The following SGCZ variants were observed in gnomAD, a reference collection of about 807,000 sequenced individuals.
The protein encoded by SGCZ is sarcoglycan zeta.
In SGCZ, 40 loss-of-function variants were observed where a neutral mutation model predicts 41.3. The ratio of observed to expected loss-of-function variants is 0.97; its 90% confidence interval spans 0.75 to 1.26. The LOEUF (loss-of-function observed/expected upper bound fraction) is 1.26. SGCZ is among the 50% of genes most tolerant of loss of function. The pLI is 0.00. For synonymous variants in SGCZ, 206 were observed against 137.5 expected (o/e 1.50, Z -3.49); for missense variants, 552 against 369.8 (o/e 1.49, Z -4.04).
intron 1 of SGCZ, among the ~76,000 whole-genome samples, chr8:14,598,644 G>C (rs369019380): frequency 4.0e-4 from 61 of 151,812 alleles, no homozygotes; most frequent in African/African-American, 1.3e-3. Context: ...TTTCCCACTT[G>C]AGTCTCCCAA....
chr8:14,615,653 C>T (rs1485536645), intron 1 of SGCZ, among the ~76,000 whole-genome samples: 2 of 152,126 alleles, frequency 1.3e-5, no homozygotes, highest in African/African-American at 2.4e-5. Context: ...CTACCTGGGT[C>T]TTTGTCAGAC....
intron 1 of SGCZ, among the ~76,000 whole-genome samples, chr8:15,138,679 T>C (rs1056267153): frequency 2.6e-5 from 4 of 152,212 alleles, no homozygotes; most frequent in African/African-American, 9.6e-5. Context: ...GCCACCATGA[T>C]TGTAAGTTTC....
chr8:14,355,857 T>C (rs1017698476), intron 2 of SGCZ, among the ~76,000 whole-genome samples: 2 of 152,154 alleles, frequency 1.3e-5, no homozygotes, highest in Admixed American at 1.3e-4. Context: ...CTTCTATATT[T>C]TGACATCTAA....
At chr8:14,897,694 C>T (rs1033353258) in intron 1 of SGCZ, among the ~76,000 whole-genome samples, 3 of 152,206 alleles carry the variant, frequency 2.0e-5, no homozygotes, top group African/African-American at 7.2e-5. Flanking sequence ...TGATACTAAA[C>T]TCTTTACGTT....
intron 2 of SGCZ, among the ~76,000 whole-genome samples, chr8:14,344,800 T>C (rs1045568116): frequency 2.6e-5 from 4 of 152,054 alleles, no homozygotes; most frequent in African/African-American, 9.7e-5. Flanking sequence ...ACCACGATGA[T>C]ATAGCAACAT....
In SGCZ at chr8:15,102,811, A is replaced by C. The variant is rs542173223; in HGVS notation, c.39+134774T>G. Among the ~76,000 whole-genome samples, 10 of 152,272 alleles carry C rather than the reference A, an allele frequency of 6.6e-5. 1 individual carries two copies. Among genetic ancestry groups the C allele is most frequent in the African/African-American group, 2.4e-4 (10 of 41,578 alleles). ...TTATATAGAATCTCTACTTTTTCTC[A>C]AGTCTTACATTTCTAATGAATCTTA... is the stretch of plus-strand genomic sequence containing the variant. On this transcript the variant is annotated intron_variant, in intron 1 of 7. Transcript: ENST00000382080.
chr8:14,746,235 A>C (rs2119739), intron 1 of SGCZ, among the ~76,000 whole-genome samples: 49,761 of 151,978 alleles, frequency 0.33, 8,702 homozygotes, highest in Non-Finnish European at 0.4. Flanking sequence ...ATTTTTAAAA[A>C]ACCTGCTTTT....
intron 2 of SGCZ, among the ~76,000 whole-genome samples, chr8:14,449,207 A>G (rs994346908): frequency 6.6e-6 from 1 of 152,194 alleles, no homozygotes; most frequent in Non-Finnish European, 1.5e-5. Flanking sequence ...ACCACAACTT[A>G]GGCAAATTTC....
chr8:15,085,691 T>C (rs1264090152), intron 1 of SGCZ, among the ~76,000 whole-genome samples: 2 of 152,206 alleles, frequency 1.3e-5, no homozygotes, highest in Admixed American at 6.6e-5. Flanking sequence ...TGATTTCTCC[T>C]GGATATTCTA....
At chr8:14,497,915 T>G (rs545045953) in intron 2 of SGCZ, among the ~76,000 whole-genome samples, 1 of 152,326 alleles carries the variant, frequency 6.6e-6, no homozygotes, top group Non-Finnish European at 1.5e-5. Flanking sequence ...CCAAAATGTT[T>G]ACAACCATTT....
chr8:14,478,123 G>A (rs923159584), intron 2 of SGCZ, among the ~76,000 whole-genome samples: 10 of 152,242 alleles, frequency 6.6e-5, no homozygotes, highest in Admixed American at 2.0e-4. Flanking sequence ...CACTTTGGAA[G>A]ACAGTTTGGC....
chr8:14,213,456 A>G (rs1057224257), intron 4 of SGCZ, among the ~76,000 whole-genome samples: 1 of 152,148 alleles, frequency 6.6e-6, no homozygotes, highest in African/African-American at 2.4e-5. Flanking sequence ...TGGTAAAACT[A>G]TCCTTCAGGA....
intron 1 of SGCZ, among the ~76,000 whole-genome samples, chr8:14,575,833 G>A (rs370335069): frequency 6.6e-6 from 1 of 150,416 alleles, no homozygotes; most frequent in East Asian, 2.0e-4. Context: ...TTGAACCCAG[G>A]AGGCGGAGGT....
chr8:14,467,622 C>G (rs1801089547), intron 2 of SGCZ, among the ~76,000 whole-genome samples: 1 of 152,002 alleles, frequency 6.6e-6, no homozygotes, highest in African/African-American at 2.4e-5. Context: ...CCAGAAATTG[C>G]AAGTCTTTAA....
chr8:14,372,239 C>T (rs967807748), intron 2 of SGCZ, among the ~76,000 whole-genome samples: 6 of 152,142 alleles, frequency 3.9e-5, no homozygotes, highest in Admixed American at 2.6e-4. Context: ...ACTAAATTTG[C>T]GAAACAGAAG....
intron 1 of SGCZ, among the ~76,000 whole-genome samples, chr8:14,693,851 C>A (rs1404287416): frequency 1.3e-5 from 2 of 152,068 alleles, no homozygotes; most frequent in Non-Finnish European, 2.9e-5. Flanking sequence ...CTCAGCCTCC[C>A]AAAGTGCTGG....
chr8:15,172,845 G>A (rs1799885332), intron 1 of SGCZ, among the ~76,000 whole-genome samples: 1 of 152,064 alleles, frequency 6.6e-6, no homozygotes, highest in African/African-American at 2.4e-5. Context: ...ATTCTTCATA[G>A]CAATATATAA....
intron 2 of SGCZ, among the ~76,000 whole-genome samples, chr8:14,335,934 T>C (rs987011207): frequency 2.6e-5 from 4 of 152,092 alleles, no homozygotes; most frequent in African/African-American, 9.7e-5. Context: ...TAAAAAAAAC[T>C]TTTAGGTTCA....
intron 1 of SGCZ, among the ~76,000 whole-genome samples, chr8:14,562,002 T>A (rs1455530109): frequency 6.6e-6 from 1 of 152,108 alleles, no homozygotes; most frequent in Non-Finnish European, 1.5e-5. Flanking sequence ...AGGGAATGAA[T>A]TAATTTGGAA....
Sources: gnomAD v4.1 joint callset for allele counts (sites outside exome capture counted in the v4.1 genomes callset) on GRCh38, gnomAD v4.1.1 for gene constraint, MANE v1.5 for transcripts, NCBI Gene and HGNC (gene_info 2026-07-23, HGNC 2026-07-21) for gene names.